The following AGBL4 variants were observed in gnomAD, a reference collection of about 807,000 sequenced individuals.
AGBL4 encodes AGBL carboxypeptidase 4.
AGBL4 carries 58 observed loss-of-function variants against 66.4 expected under a neutral mutation model. The observed-to-expected ratio is 0.87, with a 90% CI of 0.71 to 1.09. The LOEUF is 1.09. Ranked by LOEUF, AGBL4 falls within the 50% of genes least tolerant of loss-of-function variation. The pLI is 0.00. For synonymous variants in AGBL4, 234 were observed against 222.9 expected (o/e 1.05, Z -0.44); for missense variants, 579 against 631.0 (o/e 0.92, Z 0.88).
chr1:48,655,771 G>A (rs1423181378), intron 7 of AGBL4, among the ~76,000 whole-genome samples: 2 of 152,210 alleles, frequency 1.3e-5, no homozygotes, highest in East Asian at 3.8e-4. Flanking sequence ...CAAGGATACC[G>A]AATGGTGGAA....
intron 6 of AGBL4, among the ~76,000 whole-genome samples, chr1:48,706,639 G>A (rs1248448512): frequency 2.0e-5 from 3 of 152,154 alleles, no homozygotes; most frequent in African/African-American, 7.2e-5. Flanking sequence ...TAGGAAAGAA[G>A]TAGTAAAAAT....
chr1:49,097,128 A>T (rs995099173), intron 4 of AGBL4, among the ~76,000 whole-genome samples: 1 of 152,128 alleles, frequency 6.6e-6, no homozygotes, highest in Non-Finnish European at 1.5e-5. Flanking sequence ...GCAATAAGAA[A>T]CTCATACAAT....
At chr1:48,591,445 A>T (rs1206275583) in intron 9 of AGBL4, among the ~76,000 whole-genome samples, 1 of 152,150 alleles carries the variant, frequency 6.6e-6, no homozygotes, top group Non-Finnish European at 1.5e-5. Context: ...CAACTTGGCC[A>T]TTTCTAGCTG....
At chr1:48,793,556 G>A (rs1212380800) in intron 6 of AGBL4, among the ~76,000 whole-genome samples, 1 of 152,192 alleles carries the variant, frequency 6.6e-6, no homozygotes, top group Non-Finnish European at 1.5e-5. Context: ...GCAAGAAGGG[G>A]AAGGAGATGT....
At chr1:49,699,614 T>C (rs1033030834) in intron 2 of AGBL4, among the ~76,000 whole-genome samples, 3 of 152,018 alleles carry the variant, frequency 2.0e-5, no homozygotes, top group Non-Finnish European at 4.4e-5. Flanking sequence ...GAGTACATTA[T>C]GCTAAGTTAA....
chr1:49,917,393 A>G (rs1449579741), intron 1 of AGBL4, among the ~76,000 whole-genome samples: 2 of 152,132 alleles, frequency 1.3e-5, no homozygotes, highest in Non-Finnish European at 2.9e-5. Context: ...AGGAAGATCT[A>G]CCAAGCAAAT....
chr1:48,852,394 C>G (rs924333344), intron 6 of AGBL4, among the ~76,000 whole-genome samples: 1 of 152,098 alleles, frequency 6.6e-6, no homozygotes, highest in Non-Finnish European at 1.5e-5. Context: ...ATGTTTTAGA[C>G]CAGAGCATGA....
intron 1 of AGBL4, among the ~76,000 whole-genome samples, chr1:49,916,352 T>C (rs1294250607): frequency 1.3e-5 from 2 of 152,144 alleles, no homozygotes; most frequent in East Asian, 3.9e-4. Context: ...ATTAGATGAA[T>C]GACTAACTAC....
chr1:49,384,360 G>A (rs1041142182), intron 3 of AGBL4, among the ~76,000 whole-genome samples: 17 of 151,752 alleles, frequency 1.1e-4, no homozygotes, highest in African/African-American at 2.4e-4. Context: ...TTGGGAGGTC[G>A]AGGCGGGCGG....
chr1:48,850,118 A>T (rs949096076), intron 6 of AGBL4, among the ~76,000 whole-genome samples: 1 of 152,244 alleles, frequency 6.6e-6, no homozygotes, highest in Non-Finnish European at 1.5e-5. Context: ...AATAACAAAT[A>T]AAAACTCTAG....
At chr1:49,956,695 T>C (rs905129297) in intron 1 of AGBL4, among the ~76,000 whole-genome samples, 1 of 151,972 alleles carries the variant, frequency 6.6e-6, no homozygotes, top group African/African-American at 2.4e-5. Flanking sequence ...ATAACACCAA[T>C]AGTCTTCAAA....
intron 11 of AGBL4, chr1:48,583,855 T>G (rs1035317306): frequency 2.7e-5 from 4 of 149,734 alleles, no homozygotes; most frequent in African/African-American, 9.8e-5. Flanking sequence ...AAATGAGAGT[T>G]TTTTTTTTTT....
rs376172625 is a variant in AGBL4 at position 49,492,753 on chromosome 1, GA to G, written c.282+204559del. 3.5e-4 allele frequency among the ~76,000 whole-genome samples: 53 copies of G among 152,024 alleles called. 1 individual carries two copies. In the South Asian group the frequency reaches 9.8e-3, roughly 28 times the overall value. Reference sequence around the variant, plus strand: ...ATTTCCCGGCCAATTAGTTATGAATGAACTGTGGAAAGAAACAGCAGAGCCC... The same window carrying G: ...ATTTCCCGGCCAATTAGTTATGAATGACTGTGGAAAGAAACAGCAGAGCCC... On this transcript the variant is annotated intron_variant, in intron 3 of 13. Transcript: ENST00000371839.
intron 1 of AGBL4, among the ~76,000 whole-genome samples, chr1:49,877,518 C>T (rs1260516634): frequency 6.6e-6 from 1 of 151,056 alleles, no homozygotes; most frequent in Non-Finnish European, 1.5e-5. Context: ...CCCACTTGAT[C>T]ATGGTGGATA....
chr1:49,896,071 G>A (rs892582650), intron 1 of AGBL4, among the ~76,000 whole-genome samples: 1 of 151,882 alleles, frequency 6.6e-6, no homozygotes. Flanking sequence ...ACAAAATAGA[G>A]CAGGAGTAGG....
At chr1:49,926,013 C>T (rs1330786021) in intron 1 of AGBL4, among the ~76,000 whole-genome samples, 1 of 152,140 alleles carries the variant, frequency 6.6e-6, no homozygotes, top group Non-Finnish European at 1.5e-5. Context: ...CTGTACAGCC[C>T]CCAGGCCTTG....
chr1:49,628,225 C>T (rs1164735051), intron 3 of AGBL4, among the ~76,000 whole-genome samples: 1 of 152,110 alleles, frequency 6.6e-6, no homozygotes, highest in African/African-American at 2.4e-5. Context: ...TCACCGTAAA[C>T]TCCACATTAT....
At chr1:48,854,313 C>T (rs1008278024) in intron 6 of AGBL4, among the ~76,000 whole-genome samples, 2 of 152,174 alleles carry the variant, frequency 1.3e-5, no homozygotes, top group African/African-American at 2.4e-5. Flanking sequence ...CTGTGGTCTG[C>T]TCTCCCCAGG....
At chr1:48,782,015 T>C (rs914639177) in intron 6 of AGBL4, among the ~76,000 whole-genome samples, 16 of 152,230 alleles carry the variant, frequency 1.1e-4, no homozygotes, top group African/African-American at 3.6e-4. Flanking sequence ...AAACACATGA[T>C]AGAGTTGAGA....
Sources: gnomAD v4.1 joint callset for allele counts (sites outside exome capture counted in the v4.1 genomes callset) on GRCh38, gnomAD v4.1.1 for gene constraint, MANE v1.5 for transcripts, NCBI Gene and HGNC (gene_info 2026-07-23, HGNC 2026-07-21) for gene names.